The following PIGS variants were observed in gnomAD, a reference collection of about 807,000 sequenced individuals.
The protein encoded by PIGS is phosphatidylinositol glycan anchor biosynthesis class S.
A neutral mutation model predicts 58.2 loss-of-function variants in PIGS; 37 were observed. That is an observed-to-expected ratio of 0.64 (90% CI 0.49 to 0.84). The LOEUF (loss-of-function observed/expected upper bound fraction) is 0.84, where lower values mean the gene tolerates loss of function less well. Ranked by LOEUF, PIGS falls within the 40% of genes least tolerant of loss-of-function variation. The pLI, the probability that PIGS is intolerant of heterozygous loss-of-function variation, is 0.00. For missense variants in PIGS, 629 were observed against 710.8 expected, an observed-to-expected ratio of 0.88 and a Z score of 1.31; for synonymous variants, 269 against 289.2, an observed-to-expected ratio of 0.93 and a Z score of 0.71.
At chr17:28,569,208 G>A (rs931886814) in intron 3 of PIGS, among the ~76,000 whole-genome samples, 5 of 151,586 alleles carry the variant, frequency 3.3e-5, no homozygotes, top group African/African-American at 1.2e-4. Flanking sequence ...GGGTGCGGTG[G>A]CTCACACTTG....
chr17:28,557,085 A>C, intron 8 of PIGS, 113 bp from the exon 9 acceptor site: 4 of 1,101,956 alleles, frequency 3.6e-6, no homozygotes, highest in Non-Finnish European at 5.3e-6. Context: ...CCAACTAACA[A>C]TCATTAGGAT....
intron 4 of PIGS, 25 bp from the exon 5 acceptor site, chr17:28,563,547 C>A (rs1244091576): frequency 6.2e-7 from 1 of 1,601,760 alleles, no homozygotes; most frequent in Admixed American, 1.7e-5. Flanking sequence ...AGGTGGTACA[C>A]CAAGAGCAAA....
At position 28,556,873 on chromosome 17, in the gene PIGS, G is replaced by A; in HGVS notation, c.1034C>T (p.Pro345Leu). 1 of 1,614,166 alleles carries A rather than the reference G, an allele frequency of 6.2e-7. No individual in the cohort carries two copies. Among genetic ancestry groups the A allele is most frequent in the South Asian group, 1.1e-5 (1 of 91,068 alleles). The stretch of plus-strand genomic sequence containing the variant: ...ACTATGGAAGGCATTGGTGGCCACT[G>A]GAGCGCCATCCTTGTCCTGAATGTA... Reference protein sequence around the residue: ...PLYIQDKDGAPVATNAFHSPR... With the variant: ...PLYIQDKDGALVATNAFHSPR... The change falls in exon 9 of 12, where the codon CCA becomes CTA. Residue 345 changes from proline to leucine, a missense_variant. By Grantham distance (98) the Pro-to-Leu change is moderately conservative. Transcript: ENST00000308360.
rs770657669 is a variant in PIGS at position 28,554,405 on chromosome 17, C to G, written c.1483G>C (p.Val495Leu). 25 of 1,614,042 alleles carry G rather than the reference C, an allele frequency of 1.5e-5. No homozygotes were observed. The Admixed American group carries it at 2.7e-4, about 17-fold the overall frequency. ...AAGAAGGCAAGCTCAGAGGATGTCACAGCTTCCTGGCTGGCGACAAAGGCA... is the reference window on the plus strand; with the variant it reads ...AAGAAGGCAAGCTCAGAGGATGTCAGAGCTTCCTGGCTGGCGACAAAGGCA... ...ASAFVASQEA[V>L]TSSELAFFDP... The change falls in exon 12 of 12, where the codon GTG (valine) becomes CTG (leucine). Residue 495 changes from valine (V) to leucine (L), a missense_variant. Physicochemically the swap from Val to Leu is conservative, Grantham distance 32. Coordinates refer to ENST00000308360, the MANE Select transcript of PIGS (RefSeq NM_033198.4).
At chr17:28,568,195 C>T (rs1332936236) in intron 3 of PIGS, among the ~76,000 whole-genome samples, 1 of 151,998 alleles carries the variant, frequency 6.6e-6, no homozygotes, top group African/African-American at 2.4e-5. Context: ...TTCCACCTCA[C>T]AGGTTCAAGC....
At position 28,569,486 on chromosome 17, in the gene PIGS, A is replaced by G. The variant is rs1160960554; in HGVS notation, c.286+1366T>C. ...AGAGACCCTTTCTCAAAAAAAAAAA[A>G]AAAAAAGAAAAGAAAAGTTTTCACC... On this transcript the variant is annotated intron_variant, in intron 3 of 11. Coordinates refer to ENST00000308360, the MANE Select transcript of PIGS (RefSeq NM_033198.4). Among the ~76,000 whole-genome samples, 3 of 151,938 alleles carry G rather than the reference A, an allele frequency of 2.0e-5. 1 individual carries two copies. Among genetic ancestry groups the G allele is most frequent in the Non-Finnish European group, 1.5e-5 (1 of 67,974 alleles).
At chr17:28,565,353 T>C (rs1366624318) in intron 3 of PIGS, among the ~76,000 whole-genome samples, 1 of 152,030 alleles carries the variant, frequency 6.6e-6, no homozygotes, top group Non-Finnish European at 1.5e-5. Flanking sequence ...CTGAACAAAA[T>C]GGAATAGCAT....
Position 28,570,456 on chromosome 17 carries a change from AGCCAAGATGGC to A in PIGS, c.286+385_286+395del, listed in dbSNP as rs1319990522. 2.6e-5 allele frequency among the ~76,000 whole-genome samples: 4 copies of A among 152,250 alleles called. No individual in the cohort carries two copies. The East Asian group carries it at 7.7e-4, about 29-fold the overall frequency. On this transcript the variant is annotated intron_variant, in intron 3 of 11. Coordinates refer to ENST00000308360, the MANE Select transcript of PIGS (RefSeq NM_033198.4). The stretch of plus-strand genomic sequence containing the variant: ...AACCCAGGAGGCAGAGGTTGCAGTG[AGCCAAGATGGC>A]GCCACTGCACTCCAGCCTGGGCGAC...
chr17:28,563,065 TG>T, intron 5 of PIGS, among the ~76,000 whole-genome samples: 1 of 152,130 alleles, frequency 6.6e-6, no homozygotes, highest in Non-Finnish European at 1.5e-5. Flanking sequence ...CTCAGCACTC[TG>T]GGGGGCCAAG....
At chr17:28,571,261 GC>G in intron 1 of PIGS, 73 bp from the exon 2 acceptor site, 1 of 1,566,026 alleles carries the variant, frequency 6.4e-7, no homozygotes. Flanking sequence ...ACGCGGAGAA[GC>G]CCCAACCACC....
At chr17:28,559,415 A>T (rs1428797639) in intron 7 of PIGS, among the ~76,000 whole-genome samples, 1 of 150,876 alleles carries the variant, frequency 6.6e-6, no homozygotes, top group Non-Finnish European at 1.5e-5. Flanking sequence ...CAGGTGGATC[A>T]CGAGGTCAAA....
chr17:28,566,844 T>A (rs904218972), intron 3 of PIGS, among the ~76,000 whole-genome samples: 4 of 148,286 alleles, frequency 2.7e-5, no homozygotes, highest in African/African-American at 7.5e-5. Flanking sequence ...TCCACCGCCT[T>A]GGCCTCCCAA....
chr17:28,556,101 C>A, intron 10 of PIGS, 65 bp downstream of exon 10: 1 of 1,459,702 alleles, frequency 6.9e-7, no homozygotes, highest in Admixed American at 1.7e-5. Flanking sequence ...GACTTGATTC[C>A]ACTTTGCAAC....
At chr17:28,556,036 CT>C in intron 10 of PIGS, 129 bp downstream of exon 10, 1 of 770,240 alleles carries the variant, frequency 1.3e-6, no homozygotes, top group Middle Eastern at 3.4e-4. Flanking sequence ...TCCTTAGAAA[CT>C]TTTCTTGGTT....
intron 9 of PIGS, 77 bp downstream of exon 9, chr17:28,556,750 C>A: frequency 6.5e-7 from 1 of 1,535,880 alleles, no homozygotes; most frequent in Non-Finnish European, 8.8e-7. Flanking sequence ...AGAAGGAAAA[C>A]AGAAGGAACA....
Position 28,554,142 on chromosome 17 carries a change from C to G in PIGS, c.*78G>C. On this transcript the variant is annotated 3_prime_UTR_variant, in exon 12 of 12. Coordinates refer to ENST00000308360, the MANE Select transcript of PIGS (RefSeq NM_033198.4). ...CAAATATTTAAGTCATTCCGGCAGG[C>G]CCCATGTACGTGCCTCACAATCTAA... is the stretch of plus-strand genomic sequence containing the variant. 8 of 1,540,122 alleles carry G rather than the reference C, an allele frequency of 5.2e-6. No individual in the cohort carries two copies. The highest frequency in any genetic ancestry group is 7.1e-6 in the Non-Finnish European group (8 of 1,134,018).
Position 28,554,390 on chromosome 17 carries a change from G to T in PIGS, c.1498C>A (p.Leu500Ile). 6.2e-7 allele frequency: 1 copy of T among 1,614,230 alleles called. No individual in the cohort carries two copies. Among genetic ancestry groups the T allele is most frequent in the Non-Finnish European group, 8.5e-7 (1 of 1,180,044 alleles). ...ASQEAVTSSELAFFDPSLLHL... is the reference protein window; with the variant it reads ...ASQEAVTSSEIAFFDPSLLHL... ...AGGAGTGACGGGTCAAAGAAGGCAAGCTCAGAGGATGTCACAGCTTCCTGG... is the reference window on the plus strand; with the variant it reads ...AGGAGTGACGGGTCAAAGAAGGCAATCTCAGAGGATGTCACAGCTTCCTGG... Residue 500 changes from leucine to isoleucine, a missense_variant, in exon 12 of 12, where the codon CTT (leucine) becomes ATT (isoleucine). Coordinates refer to ENST00000308360, the MANE Select transcript of PIGS (RefSeq NM_033198.4).
chr17:28,569,183 A>T (rs1172969258), intron 3 of PIGS, among the ~76,000 whole-genome samples: 2 of 151,608 alleles, frequency 1.3e-5, no homozygotes, highest in Non-Finnish European at 2.9e-5. Flanking sequence ...TTTTAAAAAA[A>T]TGTTTTAACC....
intron 11 of PIGS, 124 bp downstream of exon 11, chr17:28,554,727 G>A: frequency 7.4e-7 from 1 of 1,344,340 alleles, no homozygotes; most frequent in Non-Finnish European, 1.1e-6. Flanking sequence ...GAGGAAGGCT[G>A]GGACACTAAA....
Sources: allele counts gnomAD v4.1 joint callset (sites outside exome capture counted in the v4.1 genomes callset), GRCh38; gene constraint gnomAD v4.1.1; transcripts MANE v1.5; gene names NCBI Gene and HGNC (gene_info 2026-07-23, HGNC 2026-07-21).